POLN: variants seen among roughly 807,000 people sequenced by gnomAD.
POLN encodes DNA polymerase nu.
POLN carries 108 observed loss-of-function variants against 113.5 expected under a neutral mutation model. The observed-to-expected ratio is 0.95, with a 90% confidence interval of 0.81 to 1.12. The LOEUF is 1.12. POLN is among the 50% of genes most tolerant of loss of function. The pLI is 0.00. For missense variants in POLN, 1,097 were observed against 1,077.1 expected, an observed-to-expected ratio of 1.02 and a Z score of -0.26; for synonymous variants, 386 against 391.5, an observed-to-expected ratio of 0.99 and a Z score of 0.17.
intron 13 of POLN, among the ~76,000 whole-genome samples, chr4:2,159,881 ATTCCACCTTTGATGGATATGTG>A (rs35526070): frequency 7.1e-6 from 1 of 140,946 alleles, no homozygotes; most frequent in African/African-American, 3.2e-5. Context: ...AACATTACCC[ATTCCACCTTTGATGGATATGTG>A]TTTTTTTCCA....
In POLN at chr4:2,156,841, A is replaced by G. The variant is rs772222240; in HGVS notation, c.1678T>C (p.Ser560Pro). ...LACMKKGSIS[S>P]TWNQTGTVTG... ...ACAGTTCCAGTCTGATTCCATGTAG[A>G]GGAAATGGAGCCCTTTATTAGTTAA... Residue 560 changes from serine (S) to proline (P), a missense_variant, in exon 16 of 26, where the codon TCT becomes CCT. By Grantham distance (74) the Ser-to-Pro change is moderately conservative. Transcript: ENST00000511885. 9 of 1,611,676 alleles carry G rather than the reference A, an allele frequency of 5.6e-6. No individual in the cohort carries two copies. The highest frequency in any genetic ancestry group is 5.1e-6 in the Non-Finnish European group (6 of 1,177,716).
At chr4:2,156,310 C>A in intron 16 of POLN, 1 of 372,366 alleles carries the variant, frequency 2.7e-6, no homozygotes, top group South Asian at 2.0e-5. Flanking sequence ...AATACAGAGC[C>A]ATTTAGAAAG....
At chr4:2,188,597 T>C (rs1363588280) in intron 7 of POLN, among the ~76,000 whole-genome samples, 8 of 149,894 alleles carry the variant, frequency 5.3e-5, no homozygotes, top group East Asian at 2.0e-4. Flanking sequence ...GGAGACTCCA[T>C]CTCAAAAAAA....
chr4:2,172,423 G>A (rs1354246658), intron 11 of POLN, among the ~76,000 whole-genome samples: 1 of 152,060 alleles, frequency 6.6e-6, no homozygotes, highest in African/African-American at 2.4e-5. Context: ...CAACAACTGT[G>A]TATTCGCCCT....
intron 6 of POLN, among the ~76,000 whole-genome samples, chr4:2,198,106 C>T (rs1006687738): frequency 1.3e-5 from 2 of 152,172 alleles, no homozygotes; most frequent in Non-Finnish European, 2.9e-5. Flanking sequence ...TGAAACTAGT[C>T]CCATCCTTGG....
chr4:2,184,011 G>T lies in POLN; in HGVS notation c.1022-4546C>A, dbSNP rs117726546. On this transcript the variant is annotated intron_variant, in intron 7 of 25. Transcript: ENST00000511885. ...TGGAACTACAGGCGCACGCCATCAT[G>T]CCCGGCTAATTTTCATATTTTTAGT... Among the ~76,000 whole-genome samples the T allele has an allele frequency of 7.1e-4, 108 of 151,642 alleles. 5 individuals are homozygous for T. The East Asian group carries it at 0.014, about 20-fold the overall frequency.
rs534828885 is a variant in POLN, at chr4:2,205,237, C to T, written c.714+2750G>A. The stretch of plus-strand genomic sequence containing the variant: ...CCTAGAACTGATGAAAGAATTCAGC[C>T]AAGTTTCTGGATACAAAATTAAGGT... On this transcript the variant is annotated intron_variant, in intron 5 of 25. Transcript: ENST00000511885. Among the ~76,000 whole-genome samples the T allele has an allele frequency of 6.3e-4, 96 of 152,136 alleles. 2 individuals are homozygous for T. Among genetic ancestry groups the T allele is most frequent in the Non-Finnish European group, 1.8e-4 (12 of 68,024 alleles).
intron 24 of POLN, among the ~76,000 whole-genome samples, 162 bp downstream of exon 24, chr4:2,075,290 C>T (rs886349210): frequency 3.4e-4 from 51 of 152,212 alleles, no homozygotes; most frequent in African/African-American, 1.2e-3. Context: ...CAGGCTGGCC[C>T]CTCTGCCTGC....
At chr4:2,112,047 A>C (rs865875110) in intron 19 of POLN, among the ~76,000 whole-genome samples, 24 of 152,328 alleles carry the variant, frequency 1.6e-4, no homozygotes, top group Middle Eastern at 3.4e-3. Context: ...GATATAGACC[A>C]ATGGAACAGA....
In POLN at chr4:2,198,641, G is replaced by C; in HGVS notation, c.791C>G (p.Ala264Gly). The C allele has an allele frequency of 2.5e-6, 4 of 1,613,832 alleles. No individual in the cohort carries two copies. Among genetic ancestry groups the C allele is most frequent in the Non-Finnish European group, 3.4e-6 (4 of 1,179,930 alleles). ...QAEGGHGCPDAPACGPVLEGF... is the reference protein window; with the variant it reads ...QAEGGHGCPDGPACGPVLEGF... ...CTCCAGAACAGGACCACAGGCCGGG[G>C]CATCTGGACAGCCATGGCCACCCTC... is the stretch of plus-strand genomic sequence containing the variant. The change falls in exon 6 of 26, where the codon GCC (alanine) becomes GGC (glycine). Residue 264 changes from alanine (A) to glycine (G), a missense_variant. By Grantham distance (60) the Ala-to-Gly change is moderately conservative (BLOSUM62 0). Coordinates refer to ENST00000511885, the MANE Select transcript of POLN (RefSeq NM_181808.4).
At chr4:2,157,698 G>A (rs930640608) in intron 15 of POLN, among the ~76,000 whole-genome samples, 160 bp downstream of exon 15, 6 of 139,186 alleles carry the variant, frequency 4.3e-5, no homozygotes, top group African/African-American at 8.2e-5. Flanking sequence ...ACTCCAGCCC[G>A]GGCGACAGTG....
At chr4:2,227,216 G>C (rs556937848) in intron 3 of POLN, among the ~76,000 whole-genome samples, 1 of 152,244 alleles carries the variant, frequency 6.6e-6, no homozygotes, top group East Asian at 1.9e-4. Context: ...TGCCCACATA[G>C]AGGATCACAT....
intron 19 of POLN, among the ~76,000 whole-genome samples, chr4:2,120,722 T>C (rs980075777): frequency 6.6e-6 from 1 of 152,216 alleles, no homozygotes; most frequent in Non-Finnish European, 1.5e-5. Context: ...CTCGAACTCC[T>C]GACCTCAGGT....
At chr4:2,231,944 C>G in intron 2 of POLN, 2 of 1,371,828 alleles carry the variant, frequency 1.5e-6, no homozygotes, top group Non-Finnish European at 2.0e-6. Flanking sequence ...TCAAGACTAA[C>G]AGCCTTAATC....
At chr4:2,194,779 C>G (rs1490414041) in intron 6 of POLN, among the ~76,000 whole-genome samples, 2 of 152,048 alleles carry the variant, frequency 1.3e-5, no homozygotes, top group Non-Finnish European at 2.9e-5. Flanking sequence ...AAAGTCCTAG[C>G]TACTGGGGTG....
chr4:2,090,827 T>C (rs1164807309), intron 20 of POLN, among the ~76,000 whole-genome samples: 4 of 152,220 alleles, frequency 2.6e-5, no homozygotes, highest in Non-Finnish European at 5.9e-5. Context: ...GTCTGTCCCA[T>C]TCATGCATAG....
intron 11 of POLN, 126 bp downstream of exon 11, chr4:2,173,829 G>C: frequency 1.1e-6 from 1 of 932,576 alleles, no homozygotes; most frequent in East Asian, 2.4e-5. Context: ...GAAAGAGGGA[G>C]AAACACTGTC....
At chr4:2,170,857 C>T (rs2108747067) in intron 12 of POLN, 83 bp from the exon 13 acceptor site, 2 of 1,266,104 alleles carry the variant, frequency 1.6e-6, no homozygotes, top group South Asian at 1.2e-5. Context: ...CCCATGCCAA[C>T]AGCCAGAGAA....
intron 16 of POLN, among the ~76,000 whole-genome samples, chr4:2,155,621 C>T (rs949626023): frequency 7.2e-5 from 11 of 152,120 alleles, no homozygotes; most frequent in Non-Finnish European, 2.9e-5. Context: ...AACATTTGCT[C>T]ATTCTGTAAA....
Sources: gnomAD v4.1 joint callset for allele counts (sites outside exome capture counted in the v4.1 genomes callset) on GRCh38, gnomAD v4.1.1 for gene constraint, MANE v1.5 for transcripts, NCBI Gene and HGNC (gene_info 2026-07-23, HGNC 2026-07-21) for gene names.